Variants in AUTS2 observed in about 807,000 individuals in gnomAD.
AUTS2 encodes autism susceptibility gene 2 protein.
AUTS2 carries 17 observed loss-of-function variants against 112.4 expected under a neutral mutation model. That is an observed-to-expected ratio of 0.15 (90% CI 0.10 to 0.23). AUTS2 has a LOEUF of 0.23. AUTS2 is among the 10% of genes least tolerant of loss of function. The pLI is 1.00. For synonymous variants in AUTS2, 751 were observed against 702.7 expected, an observed-to-expected ratio of 1.07 and a Z score of -1.09; for missense variants, 1,510 against 1,701.6, an observed-to-expected ratio of 0.89 and a Z score of 1.98.
intron 4 of AUTS2, among the ~76,000 whole-genome samples, chr7:70,343,803 C>T (rs1791378620): frequency 6.6e-6 from 1 of 151,988 alleles, no homozygotes; most frequent in South Asian, 2.1e-4. Flanking sequence ...TCTCTCCTTT[C>T]TTCATTTTGT....
chr7:69,769,529 G>A (rs148238398), intron 1 of AUTS2, among the ~76,000 whole-genome samples: 207 of 152,310 alleles, frequency 1.4e-3, no homozygotes, highest in African/African-American at 4.9e-3. Flanking sequence ...TCTGCATTTA[G>A]CTGGAAATAG....
At chr7:70,787,085 G>A in intron 17 of AUTS2, 124 bp from the exon 18 acceptor site, 1 of 888,798 alleles carries the variant, frequency 1.1e-6, no homozygotes, top group Non-Finnish European at 1.8e-6. Flanking sequence ...TCCTTTTCCA[G>A]CTCCCAATAA....
At chr7:70,238,317 T>C (rs761933223) in intron 4 of AUTS2, among the ~76,000 whole-genome samples, 3 of 152,224 alleles carry the variant, frequency 2.0e-5, no homozygotes, top group Non-Finnish European at 4.4e-5. Context: ...GCAGGCCTAG[T>C]GAGCAGAGGG....
rs182807527 is a variant in AUTS2 at position 69,790,492 on chromosome 7, C to T, written c.310-108794C>T. 5.3e-5 allele frequency among the ~76,000 whole-genome samples: 8 copies of T among 152,284 alleles called. No homozygotes were observed. In the East Asian group the frequency reaches 1.2e-3, roughly 22 times the overall value. On this transcript the variant is annotated intron_variant, in intron 1 of 18. Coordinates refer to ENST00000342771, the MANE Select transcript of AUTS2 (RefSeq NM_015570.4). ...ACCATGACTTGAATCTTGGTAAAAT[C>T]GTATAATAGGAACCATGTGGTACTG... is the stretch of plus-strand genomic sequence containing the variant.
At chr7:70,218,772 C>T (rs531378079) in intron 4 of AUTS2, among the ~76,000 whole-genome samples, 1 of 152,242 alleles carries the variant, frequency 6.6e-6, no homozygotes, top group East Asian at 1.9e-4. Flanking sequence ...TGCTCTTTTA[C>T]CAAACATCTT....
At chr7:70,413,549 G>A (rs17141576) in intron 4 of AUTS2, among the ~76,000 whole-genome samples, 3 of 152,224 alleles carry the variant, frequency 2.0e-5, no homozygotes, top group Admixed American at 1.3e-4. Context: ...TCCCTGGGGG[G>A]TTATCCTGAG....
chr7:69,627,211 G>A (rs1366013617), intron 1 of AUTS2, among the ~76,000 whole-genome samples: 2 of 152,182 alleles, frequency 1.3e-5, no homozygotes, highest in South Asian at 2.1e-4. Context: ...CACTTTAGGC[G>A]GCCAGGCACA....
intron 5 of AUTS2, among the ~76,000 whole-genome samples, chr7:70,476,721 G>A (rs556440840): frequency 7.1e-4 from 108 of 152,310 alleles, no homozygotes; most frequent in African/African-American, 2.5e-3. Flanking sequence ...CCTTCAGCAA[G>A]CTAGTTAACT....
At chr7:69,957,019 C>T (rs867906198) in intron 2 of AUTS2, among the ~76,000 whole-genome samples, 7 of 151,364 alleles carry the variant, frequency 4.6e-5, no homozygotes, top group South Asian at 4.2e-4. Context: ...TGGATCACCA[C>T]GCCTGACTAA....
At chr7:69,956,442 T>A (rs943960998) in intron 2 of AUTS2, among the ~76,000 whole-genome samples, 3 of 152,180 alleles carry the variant, frequency 2.0e-5, no homozygotes, top group Non-Finnish European at 4.4e-5. Flanking sequence ...CTGTAACCGT[T>A]ATTACTCACT....
chr7:70,141,724 C>T (rs1407384833), intron 4 of AUTS2, among the ~76,000 whole-genome samples: 1 of 152,092 alleles, frequency 6.6e-6, no homozygotes, highest in African/African-American at 2.4e-5. Context: ...ATTGTATTTC[C>T]CATGTCTAAT....
At chr7:70,184,830 C>G (rs1201135520) in intron 4 of AUTS2, among the ~76,000 whole-genome samples, 1 of 152,106 alleles carries the variant, frequency 6.6e-6, no homozygotes, top group East Asian at 1.9e-4. Context: ...ATTTATAATA[C>G]AAAATTTCTT....
intron 6 of AUTS2, among the ~76,000 whole-genome samples, chr7:70,712,675 G>A (rs1033502882): frequency 4.6e-5 from 7 of 152,160 alleles, no homozygotes; most frequent in African/African-American, 1.4e-4. Context: ...CAGAAAAAAC[G>A]AGGAAGAACA....
At chr7:69,810,549 T>C (rs763930411) in intron 1 of AUTS2, among the ~76,000 whole-genome samples, 2 of 151,934 alleles carry the variant, frequency 1.3e-5, no homozygotes, top group Non-Finnish European at 2.9e-5. Context: ...AGTGTGACAT[T>C]CAGAGTTTGA....
chr7:70,104,483 T>TCC (rs950178477), intron 2 of AUTS2, among the ~76,000 whole-genome samples: 1 of 152,162 alleles, frequency 6.6e-6, no homozygotes, highest in African/African-American at 2.4e-5. Flanking sequence ...GAAGAACAGA[T>TCC]TGAGGAGATC....
intron 4 of AUTS2, among the ~76,000 whole-genome samples, chr7:70,174,553 AAGG>A: frequency 6.6e-6 from 1 of 152,346 alleles, no homozygotes; most frequent in East Asian, 1.9e-4. Context: ...CAAAGCTAGA[AAGG>A]AGAAGTCCCA....
intron 4 of AUTS2, among the ~76,000 whole-genome samples, chr7:70,312,553 G>T (rs886214019): frequency 6.6e-6 from 1 of 152,138 alleles, no homozygotes; most frequent in African/African-American, 2.4e-5. Flanking sequence ...ACAGGATGTG[G>T]GGTGGAGTTC....
At chr7:69,683,134 A>G (rs1165037489) in intron 1 of AUTS2, among the ~76,000 whole-genome samples, 3 of 152,170 alleles carry the variant, frequency 2.0e-5, no homozygotes, top group African/African-American at 2.4e-5. Flanking sequence ...TCTGATTTGT[A>G]TAGGGCCCAG....
intron 1 of AUTS2, among the ~76,000 whole-genome samples, chr7:69,666,360 A>C (rs761257403): frequency 1.3e-5 from 2 of 152,254 alleles, no homozygotes; most frequent in Non-Finnish European, 2.9e-5. Context: ...ATCGTAATTC[A>C]GTAAACAATT....
Sources: allele counts gnomAD v4.1 joint callset (sites outside exome capture counted in the v4.1 genomes callset), GRCh38; gene constraint gnomAD v4.1.1; transcripts MANE v1.5; gene names NCBI Gene and HGNC (gene_info 2026-07-23, HGNC 2026-07-21).